The following CACNG5 variants were observed in gnomAD, a reference collection of about 807,000 sequenced individuals.
CACNG5 encodes voltage-dependent calcium channel gamma-5 subunit.
In CACNG5, 18 loss-of-function variants were observed where a neutral mutation model predicts 24.8. The observed-to-expected ratio is 0.73, with a 90% CI of 0.50 to 1.08. CACNG5 has a LOEUF of 1.08. Among genes scored for constraint, CACNG5 ranks in the 50% least tolerant of loss-of-function variants. CACNG5 has a pLI of 0.00. For missense variants in CACNG5, 349 were observed against 367.9 expected, an observed-to-expected ratio of 0.95 and a Z score of 0.42; for synonymous variants, 157 against 149.1, an observed-to-expected ratio of 1.05 and a Z score of -0.39.
chr17:66,889,015 C>T lies in CACNG5; in HGVS notation c.*3775C>T, dbSNP rs1977303703. On this transcript the variant is annotated 3_prime_UTR_variant, in exon 6 of 6. Transcript: ENST00000533854. ...TGGTGAAGCTCCTGCTCTGTCAGTGCAGTGGTGTGATCTCGGCTCACTGCA... is the reference window on the plus strand; with the variant it reads ...TGGTGAAGCTCCTGCTCTGTCAGTGTAGTGGTGTGATCTCGGCTCACTGCA... Among the ~76,000 whole-genome samples the T allele has an allele frequency of 1.3e-5, 2 of 152,196 alleles. No homozygotes were observed. Among genetic ancestry groups the T allele is most frequent in the Non-Finnish European group, 2.9e-5 (2 of 68,042 alleles).
Position 66,878,998 on chromosome 17 carries a change from A to G in CACNG5, c.223A>G (p.Ile75Val), listed in dbSNP as rs751848698. The G allele has an allele frequency of 8.1e-6, 13 of 1,613,792 alleles. No homozygotes were observed. In the South Asian group the frequency reaches 9.9e-5, roughly 12 times the overall value. The change falls in exon 3 of 6, where the codon ATA becomes GTA. Residue 75 changes from isoleucine to valine, a missense_variant. Ile to Val is a conservative substitution (Grantham distance 29, BLOSUM62 3). Transcript: ENST00000533854. The part of the protein sequence containing the change: ...AGEERGRCFT[I>V]EYVMPMNTQL... The stretch of plus-strand genomic sequence containing the variant: ...TGAGGAGCGGGGGCGTTGCTTCACC[A>G]TAGAATATGTGATGCCCATGAACAC...
intron 1 of CACNG5, among the ~76,000 whole-genome samples, chr17:66,845,365 T>A (rs1976623583): frequency 6.6e-6 from 1 of 151,770 alleles, no homozygotes; most frequent in South Asian, 2.1e-4. Context: ...ACCTAGATGA[T>A]GGGTTGATAG....
intron 1 of CACNG5, among the ~76,000 whole-genome samples, chr17:66,858,616 C>T (rs17711944): frequency 0.23 from 34,245 of 151,734 alleles, 4,318 homozygotes; most frequent in South Asian, 0.41. Context: ...TTTTCCAGAC[C>T]AGTGCTCTCC....
chr17:66,874,732 G>A (rs755982733), intron 1 of CACNG5, among the ~76,000 whole-genome samples: 8 of 152,178 alleles, frequency 5.3e-5, no homozygotes, highest in African/African-American at 7.2e-5. Context: ...CACCTTATCC[G>A]AACCATAGCA....
At chr17:66,865,664 C>G (rs948485088) in intron 1 of CACNG5, among the ~76,000 whole-genome samples, 2 of 148,760 alleles carry the variant, frequency 1.3e-5, no homozygotes, top group Admixed American at 6.8e-5. Context: ...GAGTCTCGCT[C>G]TGTCACCCAG....
chr17:66,849,003 G>A (rs1976675033), intron 1 of CACNG5, among the ~76,000 whole-genome samples: 1 of 152,174 alleles, frequency 6.6e-6, no homozygotes. Context: ...GCCGCCGTGT[G>A]CATTGATTGA....
At chr17:66,838,307 G>T (rs1019105985) in intron 1 of CACNG5, among the ~76,000 whole-genome samples, 7 of 151,684 alleles carry the variant, frequency 4.6e-5, no homozygotes, top group African/African-American at 1.2e-4. Flanking sequence ...AGAGTGGCCT[G>T]GGGGGAGCAG....
chr17:66,872,702 G>T (rs1173524749), intron 1 of CACNG5, among the ~76,000 whole-genome samples: 1 of 152,150 alleles, frequency 6.6e-6, no homozygotes, highest in Non-Finnish European at 1.5e-5. Flanking sequence ...GATTTCCTGT[G>T]TGTGCTTTGA....
chr17:66,876,982 A>C (rs1268545067), intron 1 of CACNG5, among the ~76,000 whole-genome samples: 3 of 47,050 alleles, frequency 6.4e-5, no homozygotes, highest in African/African-American at 3.8e-4. Flanking sequence ...TGGGTTGCTG[A>C]ATGAATGAAT....
At position 66,845,882 on chromosome 17, in the gene CACNG5, A is replaced by G. The variant is rs1306107872; in HGVS notation, c.-104+10632A>G. Among the ~76,000 whole-genome samples, 13 of 151,752 alleles carry G rather than the reference A, an allele frequency of 8.6e-5. 1 individual carries two copies. In the East Asian group the frequency reaches 2.5e-3, roughly 29 times the overall value. On this transcript the variant is annotated intron_variant, in intron 1 of 5. Transcript: ENST00000533854. ...CATCCCTGGGGTCTTGTCTCCATCC[A>G]CTCTGGGAGGCAGGGAGCCACCTGA...
rs80191708 is a variant in CACNG5 at position 66,894,071 on chromosome 17, G to T, written c.*8831G>T. Among the ~76,000 whole-genome samples the T allele has an allele frequency of 3.4e-3, 525 of 152,246 alleles. 2 individuals are homozygous for T. Among genetic ancestry groups the T allele is most frequent in the Non-Finnish European group, 5.2e-3 (356 of 68,010 alleles). On this transcript the variant is annotated 3_prime_UTR_variant, in exon 6 of 6. Transcript: ENST00000533854. ...GGTGCCAGGGTTCTTGACACCTGTTGTCCTGTGTCCTCGTAAACACCATCC... is the reference window on the plus strand; with the variant it reads ...GGTGCCAGGGTTCTTGACACCTGTTTTCCTGTGTCCTCGTAAACACCATCC...
At chr17:66,847,412 G>A (rs886237202) in intron 1 of CACNG5, among the ~76,000 whole-genome samples, 5 of 152,220 alleles carry the variant, frequency 3.3e-5, no homozygotes, top group Non-Finnish European at 7.3e-5. Context: ...CACAATCATG[G>A]TAGAAGGCGA....
intron 4 of CACNG5, among the ~76,000 whole-genome samples, chr17:66,882,552 C>G (rs1977175031): frequency 6.6e-6 from 1 of 152,132 alleles, no homozygotes; most frequent in Non-Finnish European, 1.5e-5. Context: ...AAGGTGGGCT[C>G]TTTCTCCTTT....
Position 66,887,138 on chromosome 17 carries a change from G to A in CACNG5, c.*1898G>A, listed in dbSNP as rs1338852585. ...GAAGACAGAGTTTAGCCCATGACAG[G>A]TATTTTGTTGCTGGATTCTTCCATT... On this transcript the variant is annotated 3_prime_UTR_variant, in exon 6 of 6. Transcript: ENST00000533854. Among the ~76,000 whole-genome samples, 1 of 152,194 alleles carries A rather than the reference G, an allele frequency of 6.6e-6. No homozygotes were observed. Among genetic ancestry groups the A allele is most frequent in the Non-Finnish European group, 1.5e-5 (1 of 68,042 alleles).
intron 5 of CACNG5, 131 bp downstream of exon 5, chr17:66,884,792 C>G (rs1409199715): frequency 6.2e-7 from 1 of 1,613,404 alleles, no homozygotes; most frequent in Admixed American, 1.7e-5. Context: ...CTCTACTTCC[C>G]TTCCTCATCC....
At chr17:66,845,528 T>A (rs2143032336) in intron 1 of CACNG5, among the ~76,000 whole-genome samples, 1 of 151,672 alleles carries the variant, frequency 6.6e-6, no homozygotes, top group East Asian at 1.9e-4. Context: ...AGCTCAAAGA[T>A]CAGCTTCTCC....
At chr17:66,862,928 G>T (rs1436584382) in intron 1 of CACNG5, among the ~76,000 whole-genome samples, 1 of 151,296 alleles carries the variant, frequency 6.6e-6, no homozygotes, top group Non-Finnish European at 1.5e-5. Context: ...GTGTGTGTGT[G>T]TGTGTGTGTG....
At chr17:66,862,892 C>CTCTGTGTGTGTG (rs567913804) in intron 1 of CACNG5, among the ~76,000 whole-genome samples, 35 of 142,258 alleles carry the variant, frequency 2.5e-4, no homozygotes, top group African/African-American at 4.8e-4. Flanking sequence ...AGCATATTCT[C>CTCTGTGTGTGTG]TGTGTGTGTG....
chr17:66,865,378 G>T (rs1267909101), intron 1 of CACNG5, among the ~76,000 whole-genome samples: 1 of 151,222 alleles, frequency 6.6e-6, no homozygotes, highest in East Asian at 1.9e-4. Context: ...AAGACATTCT[G>T]CTTTACATAG....
Sources: allele counts gnomAD v4.1 joint callset (sites outside exome capture counted in the v4.1 genomes callset), GRCh38; gene constraint gnomAD v4.1.1; transcripts MANE v1.5; gene names NCBI Gene and HGNC (gene_info 2026-07-23, HGNC 2026-07-21).